Variants in NREP observed in about 807,000 individuals in gnomAD.
The protein encoded by NREP is neuronal regeneration-related protein.
A neutral mutation model predicts 8.6 loss-of-function variants in NREP; 5 were observed. The ratio of observed to expected loss-of-function variants is 0.58; its 90% CI spans 0.30 to 1.22. NREP has a LOEUF of 1.22. Ranked by LOEUF, NREP falls within the 50% of genes most tolerant of loss-of-function variation. The pLI is 0.07. For synonymous variants in NREP, 27 were observed against 28.0 expected (o/e 0.96, Z 0.11); for missense variants, 86 against 82.5 (o/e 1.04, Z -0.17).
At chr5:111,852,627 C>A (rs774541081) in intron 2 of NREP, among the ~76,000 whole-genome samples, 13 of 152,068 alleles carry the variant, frequency 8.5e-5, no homozygotes, top group Non-Finnish European at 1.5e-4. Flanking sequence ...CATCAATGAC[C>A]TTGGGACCTT....
At chr5:111,910,061 A>G (rs1754871187) in intron 2 of NREP, among the ~76,000 whole-genome samples, 1 of 152,134 alleles carries the variant, frequency 6.6e-6, no homozygotes, top group Non-Finnish European at 1.5e-5. Context: ...TATAATGCAC[A>G]TTTGCAAGAG....
intron 1 of NREP, chr5:111,756,038 G>C: frequency 2.2e-6 from 3 of 1,339,106 alleles, no homozygotes; most frequent in Non-Finnish European, 2.9e-6. Flanking sequence ...CCTGGTACTT[G>C]GCTTTGCAGA....
intron 2 of NREP, among the ~76,000 whole-genome samples, chr5:111,817,718 TG>T (rs1438131547): frequency 7.1e-6 from 1 of 141,352 alleles, no homozygotes; most frequent in Admixed American, 7.8e-5. Flanking sequence ...GGCAGGAGAA[TG>T]GCATGAACCC....
chr5:111,771,554 G>T (rs1239686357), intron 2 of NREP, among the ~76,000 whole-genome samples: 1 of 152,070 alleles, frequency 6.6e-6, no homozygotes, highest in Non-Finnish European at 1.5e-5. Context: ...CCTGAGGTCA[G>T]AAGTTCGAGA....
chr5:111,799,981 G>C (rs1405680660), intron 2 of NREP, among the ~76,000 whole-genome samples: 1 of 152,096 alleles, frequency 6.6e-6, no homozygotes, highest in African/African-American at 2.4e-5. Context: ...GTGCGGTGGT[G>C]TGATCTCAGC....
At chr5:111,867,939 T>A (rs919774790) in intron 2 of NREP, among the ~76,000 whole-genome samples, 2 of 152,112 alleles carry the variant, frequency 1.3e-5, no homozygotes, top group East Asian at 3.9e-4. Flanking sequence ...TCTAGAACAC[T>A]TTTATAATTC....
intron 2 of NREP, among the ~76,000 whole-genome samples, chr5:111,901,933 A>G (rs1206891834): frequency 6.6e-6 from 1 of 152,156 alleles, no homozygotes; most frequent in Non-Finnish European, 1.5e-5. Context: ...CATTCCTTAT[A>G]GAAACAGTAA....
At chr5:111,815,319 C>T (rs1411822119) in intron 2 of NREP, among the ~76,000 whole-genome samples, 1 of 152,050 alleles carries the variant, frequency 6.6e-6, no homozygotes, top group African/African-American at 2.4e-5. Flanking sequence ...TTGAGCCATC[C>T]CCATAACTGA....
At chr5:111,950,924 A>G (rs1756141428) in intron 2 of NREP, among the ~76,000 whole-genome samples, 1 of 152,064 alleles carries the variant, frequency 6.6e-6, no homozygotes, top group Non-Finnish European at 1.5e-5. Context: ...CTTAAGAAAT[A>G]AAACCTTCAA....
intron 2 of NREP, among the ~76,000 whole-genome samples, chr5:111,861,476 G>C (rs1753541796): frequency 6.6e-6 from 1 of 152,074 alleles, no homozygotes; most frequent in African/African-American, 2.4e-5. Flanking sequence ...GGCTAGATAG[G>C]CTCCAGTATT....
intron 2 of NREP, among the ~76,000 whole-genome samples, chr5:111,939,716 T>C (rs567013451): frequency 2.5e-4 from 38 of 152,174 alleles, no homozygotes; most frequent in Non-Finnish European, 4.9e-4. Context: ...TTTTTGTTGG[T>C]GATTTTGCTG....
intron 2 of NREP, among the ~76,000 whole-genome samples, chr5:111,892,274 G>C (rs775287988): frequency 2.9e-4 from 44 of 152,212 alleles, no homozygotes; most frequent in Middle Eastern, 3.4e-3. Flanking sequence ...ATACAATAGA[G>C]GGCATCTACT....
intron 2 of NREP, among the ~76,000 whole-genome samples, chr5:111,884,523 G>A (rs1398646759): frequency 7.2e-5 from 11 of 151,984 alleles, no homozygotes; most frequent in African/African-American, 2.4e-4. Context: ...CACAACCAAA[G>A]AAGAGAATTT....
At chr5:111,895,941 G>C (rs1754499827) in intron 2 of NREP, among the ~76,000 whole-genome samples, 1 of 152,116 alleles carries the variant, frequency 6.6e-6, no homozygotes, top group Non-Finnish European at 1.5e-5. Context: ...GAAAACGATT[G>C]ATAAGACTGT....
At chr5:111,857,235 C>G (rs181502656) in intron 2 of NREP, among the ~76,000 whole-genome samples, 1 of 152,288 alleles carries the variant, frequency 6.6e-6, no homozygotes, top group Non-Finnish European at 1.5e-5. Flanking sequence ...TGGGCCATAG[C>G]AGCACTATGT....
chr5:111,858,550 C>G (rs1053435817), intron 2 of NREP, among the ~76,000 whole-genome samples: 1 of 152,112 alleles, frequency 6.6e-6, no homozygotes, highest in African/African-American at 2.4e-5. Context: ...CTTGGGGAGT[C>G]TGAACAGGAG....
chr5:111,962,673 T>A (rs1581254607), intron 2 of NREP, among the ~76,000 whole-genome samples: 1 of 152,306 alleles, frequency 6.6e-6, no homozygotes, highest in East Asian at 1.9e-4. Flanking sequence ...TAATTGAATG[T>A]TGCCTTTTCC....
intron 2 of NREP, among the ~76,000 whole-genome samples, chr5:111,931,972 T>C (rs763384537): frequency 6.6e-6 from 1 of 152,090 alleles, no homozygotes; most frequent in African/African-American, 2.4e-5. Flanking sequence ...TTGCATCTCA[T>C]TGTATCCTTA....
At chr5:111,914,147 TG>T (rs1754988211) in intron 2 of NREP, among the ~76,000 whole-genome samples, 1 of 152,144 alleles carries the variant, frequency 6.6e-6, no homozygotes, top group African/African-American at 2.4e-5. Context: ...CATCTAAGAA[TG>T]TCCAGTAGGT....
Sources: gnomAD v4.1 joint callset for allele counts (sites outside exome capture counted in the v4.1 genomes callset) on GRCh38, gnomAD v4.1.1 for gene constraint, MANE v1.5 for transcripts, NCBI Gene and HGNC (gene_info 2026-07-23, HGNC 2026-07-21) for gene names.